The following AFDN variants were observed in gnomAD, a reference collection of about 807,000 sequenced individuals.
AFDN encodes the protein afadin.
AFDN carries 68 observed loss-of-function variants against 216.6 expected under a neutral mutation model. The observed-to-expected ratio is 0.31, with a 90% CI of 0.26 to 0.38. The LOEUF is 0.38. AFDN is among the 10% of genes least tolerant of loss of function. The pLI, the probability that AFDN is intolerant of heterozygous loss-of-function variation, is 1.00. For missense variants in AFDN, 2,136 were observed against 2,342.0 expected (o/e 0.91, Z 1.82); for synonymous variants, 868 against 853.7 (o/e 1.02, Z -0.29).
At chr6:167,900,396 G>A (rs1221641063) in intron 11 of AFDN, among the ~76,000 whole-genome samples, 1 of 152,134 alleles carries the variant, frequency 6.6e-6, no homozygotes, top group Admixed American at 6.5e-5. Flanking sequence ...TAACTGATTT[G>A]TTAATCTAGT....
chr6:167,874,680 A>G (rs573459729), intron 4 of AFDN, among the ~76,000 whole-genome samples: 60 of 148,604 alleles, frequency 4.0e-4, no homozygotes, highest in Non-Finnish European at 6.5e-4. Flanking sequence ...CAGTGGCACA[A>G]TCTTGGCTCA....
chr6:167,932,180 A>G (rs1243213197), intron 23 of AFDN, among the ~76,000 whole-genome samples: 1 of 152,064 alleles, frequency 6.6e-6, no homozygotes, highest in Non-Finnish European at 1.5e-5. Context: ...GTTTTCTATA[A>G]GCTGCGTGGT....
chr6:167,896,181 C>T (rs958543591), intron 9 of AFDN, among the ~76,000 whole-genome samples: 4 of 148,740 alleles, frequency 2.7e-5, no homozygotes, highest in South Asian at 2.1e-4. Flanking sequence ...AACACATGCT[C>T]ATATAAATTA....
intron 5 of AFDN, among the ~76,000 whole-genome samples, chr6:167,876,181 G>A (rs2340899): frequency 0.34 from 52,175 of 151,926 alleles, 9,696 homozygotes; most frequent in East Asian, 0.6. Context: ...GACAGCCACC[G>A]TCTGGGGGGA....
intron 1 of AFDN, among the ~76,000 whole-genome samples, chr6:167,833,771 A>G (rs559828848): frequency 6.6e-6 from 1 of 152,272 alleles, no homozygotes; most frequent in South Asian, 2.1e-4. Context: ...GGGAGTAACA[A>G]TATGGTCACT....
intron 23 of AFDN, among the ~76,000 whole-genome samples, chr6:167,942,401 A>G (rs1210217352): frequency 5.3e-5 from 8 of 152,240 alleles, no homozygotes; most frequent in South Asian, 2.1e-4. Context: ...AACCTTGTCC[A>G]TAATATCTAA....
chr6:167,844,266 C>G (rs963396197), intron 1 of AFDN, among the ~76,000 whole-genome samples: 1 of 150,388 alleles, frequency 6.6e-6, no homozygotes, highest in Non-Finnish European at 1.5e-5. Context: ...CTCTTAAATC[C>G]TGGGCTCAAG....
At chr6:167,927,643 G>C (rs141832683) in intron 23 of AFDN, among the ~76,000 whole-genome samples, 1 of 152,128 alleles carries the variant, frequency 6.6e-6, no homozygotes, top group Non-Finnish European at 1.5e-5. Context: ...AAGGTGATGC[G>C]TGGGGCATAG....
intron 1 of AFDN, among the ~76,000 whole-genome samples, chr6:167,861,593 A>G (rs914431101): frequency 1.5e-4 from 23 of 152,078 alleles, no homozygotes; most frequent in Admixed American, 2.0e-4. Context: ...GCAGTAATTT[A>G]TATGTAAGGA....
Position 167,966,036 on chromosome 6 carries a change from A to C in AFDN, c.5248A>C (p.Ser1750Arg). The C allele has an allele frequency of 6.5e-7, 1 of 1,546,020 alleles. No homozygotes were observed. The change falls in exon 32 of 34, where the codon AGC becomes CGC. Residue 1750 changes from serine to arginine, a missense_variant. Around this residue, in one of 8 missense-constraint regions of AFDN, gnomAD observed 981 missense variants for 966.0 expected, o/e 1.02. Coordinates refer to ENST00000683244, the MANE Select transcript of AFDN (RefSeq NM_001386888.1). Reference sequence around the variant, plus strand: ...TGAGGAGGAGGAGGAGGAGGACTGCAGCCTAGCAGGTCAGGATAAGTACTC... The same window carrying C: ...TGAGGAGGAGGAGGAGGAGGACTGCCGCCTAGCAGGTCAGGATAAGTACTC... Reference protein sequence around the residue: ...YNEEEEEEDCSLAGPNSYPGS... With the variant: ...YNEEEEEEDCRLAGPNSYPGS...
upstream of AFDN, chr6:167,826,573 C>A (rs1361295182): frequency 3.8e-6 from 2 of 527,256 alleles, no homozygotes; most frequent in Non-Finnish European, 3.9e-6. Context: ...GACTCTGCAC[C>A]GCGCGTCCGG....
intron 32 of AFDN, chr6:167,966,251 C>T (rs1797550971): frequency 6.5e-7 from 1 of 1,527,156 alleles, no homozygotes; most frequent in Non-Finnish European, 8.8e-7. Flanking sequence ...CCAGCTCCTA[C>T]CATCCCAGCC....
At chr6:167,937,753 G>A (rs1362653287) in intron 23 of AFDN, among the ~76,000 whole-genome samples, 1 of 152,210 alleles carries the variant, frequency 6.6e-6, no homozygotes, top group East Asian at 1.9e-4. Context: ...GGGTGCCAGA[G>A]CCTGAAGTGC....
intron 1 of AFDN, among the ~76,000 whole-genome samples, chr6:167,837,324 A>T (rs1780557426): frequency 6.6e-6 from 1 of 152,006 alleles, no homozygotes; most frequent in African/African-American, 2.4e-5. Context: ...ATACAAACAG[A>T]AATGAAGGTA....
chr6:167,849,316 G>C (rs554665995), intron 1 of AFDN, among the ~76,000 whole-genome samples: 2 of 152,132 alleles, frequency 1.3e-5, no homozygotes, highest in South Asian at 2.1e-4. Flanking sequence ...GTAACTTGTG[G>C]GGGGGGAGAG....
chr6:167,939,156 A>G (rs886315442), intron 23 of AFDN, among the ~76,000 whole-genome samples: 1 of 152,218 alleles, frequency 6.6e-6, no homozygotes, highest in Non-Finnish European at 1.5e-5. Flanking sequence ...TAGTGTCACT[A>G]AAAATGCTGT....
At chr6:167,933,521 G>A (rs1793590373) in intron 23 of AFDN, among the ~76,000 whole-genome samples, 1 of 152,124 alleles carries the variant, frequency 6.6e-6, no homozygotes, top group Admixed American at 6.5e-5. Context: ...ATGAAGTCAG[G>A]AAATTCCGGG....
In AFDN at chr6:167,947,926, T is replaced by C; in HGVS notation, c.3627T>C (p.Thr1209=). Residue 1209 remains threonine (T), a synonymous_variant, in exon 28 of 34, where the codon ACT becomes ACC. Transcript: ENST00000683244. ...CAGCGAAGATAACATCTGTCTCTAC[T>C]GGAAACCTCTGCACTGAGGTCTGAT... The part of the protein sequence containing the change: ...GTTAKITSVS[T]GNLCTEEQTP... The C allele has an allele frequency of 6.2e-7, 1 of 1,613,278 alleles. No individual in the cohort carries two copies. Among genetic ancestry groups the C allele is most frequent in the Non-Finnish European group, 8.5e-7 (1 of 1,179,204 alleles).
At chr6:167,831,719 T>C (rs928103726) in intron 1 of AFDN, among the ~76,000 whole-genome samples, 1 of 152,200 alleles carries the variant, frequency 6.6e-6, no homozygotes, top group Admixed American at 6.5e-5. Context: ...CATAAATGAT[T>C]AGGATATGAT....
Sources: allele counts gnomAD v4.1 joint callset (sites outside exome capture counted in the v4.1 genomes callset), GRCh38; gene constraint gnomAD v4.1.1; regional missense constraint gnomAD v4.1.1; transcripts MANE v1.5; gene names NCBI Gene and HGNC (gene_info 2026-07-23, HGNC 2026-07-21).